ACAP2: variants seen among roughly 807,000 people sequenced by gnomAD.
ACAP2 encodes the protein ArfGAP with coiled-coil, ankyrin repeat and PH domains 2.
In ACAP2, 39 loss-of-function variants were observed where a neutral mutation model predicts 115.8. The ratio of observed to expected loss-of-function variants is 0.34; its 90% CI spans 0.26 to 0.44. The LOEUF (loss-of-function observed/expected upper bound fraction) is 0.44. Ranked by LOEUF, ACAP2 falls within the 20% of genes least tolerant of loss-of-function variation. ACAP2 has a pLI of 1.00. For synonymous variants in ACAP2, 289 were observed against 315.8 expected (o/e 0.92, Z 0.90); for missense variants, 662 against 927.6 (o/e 0.71, Z 3.72).
intron 4 of ACAP2, among the ~76,000 whole-genome samples, chr3:195,362,317 CAAAAAAA>C (rs755987847): frequency 1.5e-5 from 1 of 67,412 alleles, no homozygotes; most frequent in African/African-American, 5.8e-5. Flanking sequence ...AACTCCATCT[CAAAAAAA>C]AAAAAAAAAA....
At chr3:195,358,897 C>T (rs1266116983) in intron 4 of ACAP2, among the ~76,000 whole-genome samples, 1 of 151,894 alleles carries the variant, frequency 6.6e-6, no homozygotes, top group Non-Finnish European at 1.5e-5. Context: ...TAATCAAATT[C>T]CCAAAGATCA....
chr3:195,369,305 T>C (rs566929018), intron 4 of ACAP2, among the ~76,000 whole-genome samples: 3 of 152,322 alleles, frequency 2.0e-5, no homozygotes, highest in South Asian at 4.1e-4. Context: ...GTGGTACATG[T>C]GCAGGTTATA....
chr3:195,291,872 A>G, intron 19 of ACAP2, 57 bp from the exon 20 acceptor site: 1 of 1,432,324 alleles, frequency 7.0e-7, no homozygotes, highest in Admixed American at 2.3e-5. Flanking sequence ...AAACAACAAT[A>G]CATTTCTTTT....
chr3:195,308,156 C>G (rs888835309), intron 11 of ACAP2, among the ~76,000 whole-genome samples: 1 of 152,040 alleles, frequency 6.6e-6, no homozygotes, highest in African/African-American at 2.4e-5. Flanking sequence ...TTAAGGGGTT[C>G]TATTTAAATT....
At chr3:195,304,459 G>T (rs79844517) in intron 13 of ACAP2, among the ~76,000 whole-genome samples, 1 of 152,256 alleles carries the variant, frequency 6.6e-6, no homozygotes, top group Admixed American at 6.5e-5. Flanking sequence ...ATTCACGAAA[G>T]TATTAATAGG....
chr3:195,421,015 G>A (rs146711068), intron 1 of ACAP2, among the ~76,000 whole-genome samples: 20 of 152,288 alleles, frequency 1.3e-4, no homozygotes, highest in African/African-American at 3.1e-4. Context: ...ACAGCCAATG[G>A]AAAACTATGC....
intron 2 of ACAP2, among the ~76,000 whole-genome samples, chr3:195,391,570 G>A (rs1734678910): frequency 4.6e-5 from 7 of 151,996 alleles, no homozygotes. Context: ...AGTGAGCTTT[G>A]AAGTCAGACA....
intron 22 of ACAP2, among the ~76,000 whole-genome samples, chr3:195,281,459 TTAGTC>T (rs1159101226): frequency 1.3e-5 from 2 of 152,184 alleles, no homozygotes; most frequent in Non-Finnish European, 2.9e-5. Context: ...CTTTTTGTAT[TTAGTC>T]TAGGTAAAAA....
chr3:195,353,857 G>T (rs1347566139), intron 4 of ACAP2, among the ~76,000 whole-genome samples: 4 of 152,120 alleles, frequency 2.6e-5, no homozygotes, highest in Admixed American at 2.0e-4. Flanking sequence ...AGGTTCAGGG[G>T]TGCATGTGCA....
chr3:195,344,084 GGTCCACGCCTGTA>G (rs1455451249), intron 5 of ACAP2, among the ~76,000 whole-genome samples: 2 of 152,168 alleles, frequency 1.3e-5, no homozygotes, highest in African/African-American at 4.8e-5. Context: ...CAGAAGTGGT[GGTCCACGCCTGTA>G]GTCCTAACTA....
At chr3:195,302,489 T>A (rs1316525431) in intron 13 of ACAP2, among the ~76,000 whole-genome samples, 1 of 151,792 alleles carries the variant, frequency 6.6e-6, no homozygotes, top group Non-Finnish European at 1.5e-5. Flanking sequence ...ACAGAGGAAA[T>A]AGGTAAGGGA....
intron 18 of ACAP2, among the ~76,000 whole-genome samples, chr3:195,292,787 T>C (rs900188882): frequency 6.6e-6 from 1 of 151,754 alleles, no homozygotes; most frequent in Non-Finnish European, 1.5e-5. Flanking sequence ...CCAGGCATGG[T>C]AGCGGGCACC....
At chr3:195,437,243 C>G (rs1353908798) in intron 1 of ACAP2, among the ~76,000 whole-genome samples, 1 of 151,620 alleles carries the variant, frequency 6.6e-6, no homozygotes, top group African/African-American at 2.4e-5. Flanking sequence ...GGGTCTCACT[C>G]TGTTGCCTAG....
intron 1 of ACAP2, among the ~76,000 whole-genome samples, chr3:195,434,928 C>G (rs1472719550): frequency 6.6e-6 from 1 of 150,448 alleles, no homozygotes; most frequent in African/African-American, 2.5e-5. Flanking sequence ...GATGTGCCCT[C>G]TTTCACTCTT....
chr3:195,363,778 A>G (rs981547512), intron 4 of ACAP2, among the ~76,000 whole-genome samples: 45 of 152,244 alleles, frequency 3.0e-4, no homozygotes, highest in African/African-American at 1.0e-3. Context: ...CACACAGACC[A>G]AAGGAACAGA....
intron 4 of ACAP2, among the ~76,000 whole-genome samples, chr3:195,353,281 T>C (rs1731735690): frequency 6.6e-6 from 1 of 152,100 alleles, no homozygotes; most frequent in Non-Finnish European, 1.5e-5. Flanking sequence ...CACTCCCAAA[T>C]TCCTGGCCCA....
At chr3:195,307,454 G>A (rs13059843) in intron 11 of ACAP2, 131 bp from the exon 12 acceptor site, 286,026 of 582,196 alleles carry the variant, frequency 0.49, 76,315 homozygotes, top group Middle Eastern at 0.63. Flanking sequence ...TTAGAAACAG[G>A]GGTTATCAAT....
At chr3:195,411,932 T>C (rs148986924) in intron 1 of ACAP2, among the ~76,000 whole-genome samples, 8 of 150,164 alleles carry the variant, frequency 5.3e-5, no homozygotes, top group Non-Finnish European at 1.2e-4. Context: ...CAAAAACAAA[T>C]TGTTTTTAAG....
chr3:195,348,838 G>GA (rs1409222315), intron 4 of ACAP2, among the ~76,000 whole-genome samples: 1 of 152,124 alleles, frequency 6.6e-6, no homozygotes, highest in Admixed American at 6.5e-5. Context: ...GGGGACATAT[G>GA]AAAAATCTGT....
Sources: allele counts gnomAD v4.1 joint callset (sites outside exome capture counted in the v4.1 genomes callset), GRCh38; gene constraint gnomAD v4.1.1; transcripts MANE v1.5; gene names NCBI Gene and HGNC (gene_info 2026-07-23, HGNC 2026-07-21).